The following PCDHGA4 variants were observed in gnomAD, a reference collection of about 807,000 sequenced individuals.
The protein encoded by PCDHGA4 is protocadherin gamma subfamily A, 4.
A neutral mutation model predicts 54.6 loss-of-function variants in PCDHGA4; 38 were observed. The ratio of observed to expected loss-of-function variants is 0.70; its 90% confidence interval spans 0.54 to 0.91. The LOEUF (loss-of-function observed/expected upper bound fraction) is 0.91, where lower values mean the gene tolerates loss of function less well. Among genes scored for constraint, PCDHGA4 ranks in the 40% least tolerant of loss-of-function variants. The pLI, the probability that PCDHGA4 is intolerant of heterozygous loss-of-function variation, is 0.00. For synonymous variants in PCDHGA4, 511 were observed against 512.9 expected (o/e 1.00, Z 0.05); for missense variants, 1,298 against 1,220.9 (o/e 1.06, Z -0.94).
chr5:141,400,376 T>C (rs534277122), intron 1 of PCDHGA4: 1 of 1,614,070 alleles, frequency 6.2e-7, no homozygotes, highest in East Asian at 2.2e-5. Flanking sequence ...TCCTACAACC[T>C]ATGTGTTGCA....
At chr5:141,456,504 T>G (rs781368588) in intron 1 of PCDHGA4, among the ~76,000 whole-genome samples, 1 of 152,148 alleles carries the variant, frequency 6.6e-6, no homozygotes, top group Non-Finnish European at 1.5e-5. Context: ...GGTTAACCAA[T>G]TCCATAAAGA....
intron 1 of PCDHGA4, among the ~76,000 whole-genome samples, chr5:141,446,868 C>T (rs980547855): frequency 6.6e-6 from 1 of 152,160 alleles, no homozygotes; most frequent in Non-Finnish European, 1.5e-5. Flanking sequence ...TAGCTCTACA[C>T]TGGTATGTTT....
At chr5:141,365,961 G>T in intron 1 of PCDHGA4, 1 of 1,614,244 alleles carries the variant, frequency 6.2e-7, no homozygotes, top group Non-Finnish European at 8.5e-7. Context: ...CCACTTAGCA[G>T]CAACGTGTCG....
At chr5:141,371,107 ACC>A in intron 1 of PCDHGA4, 1 of 1,613,650 alleles carries the variant, frequency 6.2e-7, no homozygotes, top group Non-Finnish European at 8.5e-7. Context: ...GCAAATGATA[ACC>A]CCCCAGTATT....
At chr5:141,448,316 T>G (rs1042171540) in intron 1 of PCDHGA4, among the ~76,000 whole-genome samples, 2 of 152,174 alleles carry the variant, frequency 1.3e-5, no homozygotes, top group Admixed American at 1.3e-4. Context: ...AGGAATCTTT[T>G]CTTTGAATCT....
At chr5:141,425,209 A>G (rs2096861765) in intron 1 of PCDHGA4, among the ~76,000 whole-genome samples, 1 of 152,180 alleles carries the variant, frequency 6.6e-6, no homozygotes, top group African/African-American at 2.4e-5. Context: ...GATGTAAGGC[A>G]TTGTACTTTG....
intron 1 of PCDHGA4, chr5:141,361,691 C>T (rs764200534): frequency 6.2e-7 from 1 of 1,613,382 alleles, no homozygotes; most frequent in East Asian, 2.2e-5. Flanking sequence ...GCGCAGCGCG[C>T]CTTCGATCAT....
In PCDHGA4 at chr5:141,491,762, C is replaced by T. The variant is rs1162878124; in HGVS notation, c.2515-3045C>T. The T allele has an allele frequency of 6.4e-7, 1 of 1,572,596 alleles. No homozygotes were observed. The highest frequency in any genetic ancestry group is 1.4e-5 in the African/African-American group (1 of 73,308). ...GGCGGCACTGGAGAAGCCGCCCGTC[C>T]TCATAAGGGATTGAACTTGCATCCA... On this transcript the variant is annotated intron_variant, in intron 1 of 3. Transcript: ENST00000571252. The surrounding 1 kb of genome is among the most constrained non-coding windows in gnomAD (Gnocchi z 6.9).
chr5:141,363,158 A>G (rs1432648043), intron 1 of PCDHGA4, among the ~76,000 whole-genome samples: 1 of 152,238 alleles, frequency 6.6e-6, no homozygotes, highest in Non-Finnish European at 1.5e-5. Context: ...GTGAGAAATC[A>G]TTCTCTAACA....
intron 1 of PCDHGA4, chr5:141,417,718 G>A: frequency 7.7e-7 from 1 of 1,304,720 alleles, no homozygotes; most frequent in Non-Finnish European, 1.0e-6. Flanking sequence ...GCTCCCGGCT[G>A]CGCAGACCTT....
At position 141,356,713 on chromosome 5, in the gene PCDHGA4, G is replaced by A. The variant is rs746566965; in HGVS notation, c.1606G>A (p.Val536Ile). The change falls in exon 1 of 4, where the codon GTC becomes ATC. Residue 536 changes from valine to isoleucine, a missense_variant. Transcript: ENST00000571252. ...CCAGGGTGCACCTCTGTCCTCCTAT[G>A]TCTCCATCAACTCCAATACAGGGAT... ...TFQGAPLSSY[V>I]SINSNTGILY... is the part of the protein sequence containing the mutation. 3 of 1,613,846 alleles carry A rather than the reference G, an allele frequency of 1.9e-6. No individual in the cohort carries two copies. The African/African-American group carries it at 4.0e-5, about 22-fold the overall frequency.
At chr5:141,410,189 G>A in intron 1 of PCDHGA4, 1 of 1,613,992 alleles carries the variant, frequency 6.2e-7, no homozygotes, top group Non-Finnish European at 8.5e-7. Context: ...GCTTCATCTG[G>A]TCTTCGCAGA....
intron 1 of PCDHGA4, chr5:141,415,390 G>A (rs1191160575): frequency 1.2e-6 from 2 of 1,614,224 alleles, no homozygotes; most frequent in South Asian, 2.2e-5. Flanking sequence ...CTTGACAGGT[G>A]TGTCCGGCTC....
chr5:141,474,289 T>C (rs11956411), intron 1 of PCDHGA4, among the ~76,000 whole-genome samples: 31,178 of 152,120 alleles, frequency 0.2, 3,304 homozygotes, highest in Admixed American at 0.31. Context: ...ACCCACTAGA[T>C]CAGTGCTTGT....
rs777545006 is a variant in PCDHGA4 at position 141,356,045 on chromosome 5, G to A, written c.938G>A (p.Arg313Gln). Reference protein sequence around the residue: ...GANGDVTYSFRKVRDKISQLF... With the variant: ...GANGDVTYSFQKVRDKISQLF... ...AATGGAGACGTGACGTATTCTTTCCGGAAAGTAAGAGACAAAATATCACAG... is the reference window on the plus strand; with the variant it reads ...AATGGAGACGTGACGTATTCTTTCCAGAAAGTAAGAGACAAAATATCACAG... Residue 313 changes from arginine (R) to glutamine (Q), a missense_variant, in exon 1 of 4, where the codon CGG (arginine) becomes CAG (glutamine). Coordinates refer to ENST00000571252, the MANE Select transcript of PCDHGA4 (RefSeq NM_018917.4). The A allele has an allele frequency of 6.2e-7, 1 of 1,613,906 alleles. No individual in the cohort carries two copies. Among genetic ancestry groups the A allele is most frequent in the Admixed American group, 1.7e-5 (1 of 60,016 alleles).
intron 1 of PCDHGA4, chr5:141,391,235 G>A (rs939140536): frequency 6.6e-6 from 1 of 151,890 alleles, no homozygotes; most frequent in Admixed American, 6.6e-5. Flanking sequence ...CTTTTGCTAG[G>A]TATATCTAAG....
chr5:141,475,616 G>A (rs2099366026), intron 1 of PCDHGA4, among the ~76,000 whole-genome samples: 1 of 152,206 alleles, frequency 6.6e-6, no homozygotes, highest in Admixed American at 6.5e-5. Flanking sequence ...GTAGTTTTCG[G>A]TTTGGTTCGA....
intron 1 of PCDHGA4, chr5:141,478,597 C>T: frequency 6.4e-7 from 1 of 1,567,010 alleles, no homozygotes; most frequent in Non-Finnish European, 8.7e-7. Flanking sequence ...TTTATTCCTA[C>T]ATCATATTGA....
chr5:141,443,385 T>G (rs2098386152), intron 1 of PCDHGA4, among the ~76,000 whole-genome samples: 2 of 151,940 alleles, frequency 1.3e-5, no homozygotes, highest in African/African-American at 4.8e-5. Flanking sequence ...CTTGGGAGGC[T>G]GAGGTGTGAG....
Sources: gnomAD v4.1 joint callset for allele counts (sites outside exome capture counted in the v4.1 genomes callset) on GRCh38, gnomAD v4.1.1 for gene constraint, Gnocchi (gnomAD v3.1) non-coding constraint, MANE v1.5 for transcripts, NCBI Gene and HGNC (gene_info 2026-07-23, HGNC 2026-07-21) for gene names.